ZNF804A: variants seen among roughly 807,000 people sequenced by gnomAD.
ZNF804A encodes zinc finger protein 804A.
In ZNF804A, 2 loss-of-function variants were observed where a neutral mutation model predicts 16.5. The observed-to-expected ratio is 0.12, with a 90% CI of 0.05 to 0.38. The LOEUF is 0.38. ZNF804A is among the 10% of genes least tolerant of loss of function. The pLI is 0.99. For synonymous variants in ZNF804A, 534 were observed against 489.6 expected, an observed-to-expected ratio of 1.09 and a Z score of -1.20; for missense variants, 1,473 against 1,390.7, an observed-to-expected ratio of 1.06 and a Z score of -0.94.
At chr2:184,827,083 C>T (rs1695179488) in intron 1 of ZNF804A, among the ~76,000 whole-genome samples, 1 of 151,840 alleles carries the variant, frequency 6.6e-6, no homozygotes, top group Admixed American at 6.6e-5. Context: ...TATCTATAAG[C>T]TGTTAAATGT....
chr2:184,898,902 G>A (rs1302033244), intron 2 of ZNF804A, among the ~76,000 whole-genome samples: 2 of 151,862 alleles, frequency 1.3e-5, no homozygotes, highest in Admixed American at 1.3e-4. Flanking sequence ...GGTAAAAGTT[G>A]TAATTGTGTA....
At chr2:184,782,048 G>A (rs1694379063) in intron 1 of ZNF804A, among the ~76,000 whole-genome samples, 1 of 151,494 alleles carries the variant, frequency 6.6e-6, no homozygotes, top group Non-Finnish European at 1.5e-5. Context: ...CTTTTATAAG[G>A]ATATGAGTTA....
intron 2 of ZNF804A, among the ~76,000 whole-genome samples, chr2:184,916,787 C>A (rs527917318): frequency 7.4e-4 from 113 of 151,804 alleles, no homozygotes; most frequent in African/African-American, 2.6e-3. Context: ...GGCAGAGGCT[C>A]CAATGAGCTG....
At chr2:184,836,992 G>T (rs1032691883) in intron 1 of ZNF804A, among the ~76,000 whole-genome samples, 6 of 151,536 alleles carry the variant, frequency 4.0e-5, no homozygotes, top group Non-Finnish European at 7.4e-5. Flanking sequence ...GTGTCTTCTT[G>T]CTGGAAATCT....
At chr2:184,922,211 C>A (rs1685539159) in intron 2 of ZNF804A, among the ~76,000 whole-genome samples, 4 of 152,048 alleles carry the variant, frequency 2.6e-5, no homozygotes, top group Admixed American at 2.6e-4. Flanking sequence ...AATTTGCATT[C>A]TTCCTAACAG....
intron 1 of ZNF804A, among the ~76,000 whole-genome samples, chr2:184,741,389 G>T (rs995819990): frequency 8.5e-5 from 13 of 152,260 alleles, no homozygotes; most frequent in African/African-American, 2.9e-4. Context: ...CAGGGTAGCT[G>T]ACTTGAGGCT....
chr2:184,704,155 CTTT>C (rs36103347), intron 1 of ZNF804A, among the ~76,000 whole-genome samples: 1 of 145,766 alleles, frequency 6.9e-6, no homozygotes, highest in African/African-American at 2.6e-5. Flanking sequence ...TTCAGGAAAT[CTTT>C]TTTTTTTTTT....
chr2:184,751,782 A>G (rs1693881162), intron 1 of ZNF804A, among the ~76,000 whole-genome samples: 1 of 151,690 alleles, frequency 6.6e-6, no homozygotes, highest in African/African-American at 2.4e-5. Flanking sequence ...ACAACTCAAG[A>G]AAGATACAAA....
chr2:184,931,646 A>C (rs544052070), intron 2 of ZNF804A, among the ~76,000 whole-genome samples: 1 of 152,304 alleles, frequency 6.6e-6, no homozygotes, highest in East Asian at 1.9e-4. Flanking sequence ...GCTGTGAAGA[A>C]ACCTGACATG....
In ZNF804A at chr2:184,933,612, G is replaced by C. The variant is rs938694770; in HGVS notation, c.265G>C (p.Glu89Gln). 1 of 1,597,572 alleles carries C rather than the reference G, an allele frequency of 6.3e-7. No individual in the cohort carries two copies. The highest frequency in any genetic ancestry group is 8.5e-7 in the Non-Finnish European group (1 of 1,175,322). Residue 89 changes from glutamate to glutamine, a missense_variant, in exon 3 of 4, where the codon GAA becomes CAA. Glu to Gln is a conservative substitution (Grantham distance 29). Coordinates refer to ENST00000302277, the MANE Select transcript of ZNF804A (RefSeq NM_194250.2). ...AACTTTTTTTTAACAGAGGCTCAAG[G>C]AACTGAAACAAAGGGAATTTGCTCG... ...YDHAHKQRLK[E>Q]LKQREFARNV... is the part of the protein sequence containing the mutation.
At chr2:184,617,264 G>T (rs940285444) in intron 1 of ZNF804A, among the ~76,000 whole-genome samples, 1 of 151,860 alleles carries the variant, frequency 6.6e-6, no homozygotes, top group South Asian at 2.1e-4. Context: ...AGTTAACTTG[G>T]CCAATTTCCT....
chr2:184,660,873 T>G (rs1040394697), intron 1 of ZNF804A, among the ~76,000 whole-genome samples: 2 of 152,260 alleles, frequency 1.3e-5, no homozygotes, highest in African/African-American at 2.4e-5. Context: ...AAAACTGCTA[T>G]CTTACTTGAT....
At chr2:184,702,547 T>C (rs1391576176) in intron 1 of ZNF804A, among the ~76,000 whole-genome samples, 1 of 152,110 alleles carries the variant, frequency 6.6e-6, no homozygotes, top group Non-Finnish European at 1.5e-5. Flanking sequence ...TCTATATTTA[T>C]GATATCATCC....
intron 1 of ZNF804A, among the ~76,000 whole-genome samples, chr2:184,771,597 A>C (rs1182750129): frequency 6.6e-6 from 1 of 150,892 alleles, no homozygotes; most frequent in Non-Finnish European, 1.5e-5. Flanking sequence ...AAATTTTAAA[A>C]TAAAAAAAAA....
At chr2:184,734,613 A>G (rs72901837) in intron 1 of ZNF804A, among the ~76,000 whole-genome samples, 2,003 of 152,300 alleles carry the variant, frequency 0.013, 19 homozygotes, top group Non-Finnish European at 0.022. Flanking sequence ...TGAATGTTCC[A>G]TGTGAACTAG....
chr2:184,785,137 G>A (rs1694427875), intron 1 of ZNF804A, among the ~76,000 whole-genome samples: 2 of 151,954 alleles, frequency 1.3e-5, no homozygotes, highest in African/African-American at 4.8e-5. Flanking sequence ...TTCCATCCCA[G>A]TGAAGAAAAA....
At chr2:184,764,990 C>A (rs1379502127) in intron 1 of ZNF804A, among the ~76,000 whole-genome samples, 1 of 152,018 alleles carries the variant, frequency 6.6e-6, no homozygotes, top group Non-Finnish European at 1.5e-5. Context: ...AAACTATTTC[C>A]TTGCCTGAAT....
chr2:184,751,598 C>T (rs1693878964), intron 1 of ZNF804A, among the ~76,000 whole-genome samples: 1 of 151,232 alleles, frequency 6.6e-6, no homozygotes, highest in African/African-American at 2.4e-5. Context: ...GATGAATACC[C>T]CCAAAACAAA....
intron 1 of ZNF804A, among the ~76,000 whole-genome samples, chr2:184,653,580 G>A (rs1692023734): frequency 6.6e-6 from 1 of 152,220 alleles, no homozygotes; most frequent in Non-Finnish European, 1.5e-5. Flanking sequence ...TGCAGAGTTT[G>A]ACCTTTAGAC....
Sources: gnomAD v4.1 joint callset for allele counts (sites outside exome capture counted in the v4.1 genomes callset) on GRCh38, gnomAD v4.1.1 for gene constraint, MANE v1.5 for transcripts, NCBI Gene and HGNC (gene_info 2026-07-23, HGNC 2026-07-21) for gene names.